The following NAV3 variants were observed in gnomAD, a reference collection of about 807,000 sequenced individuals.
The protein encoded by NAV3 is pore membrane and/or filament interacting like protein 1.
Under a neutral mutation model 244.7 loss-of-function variants are expected in NAV3, and 87 were observed. The observed-to-expected ratio is 0.36, with a 90% CI of 0.30 to 0.42. The LOEUF (loss-of-function observed/expected upper bound fraction) is 0.42, where lower values mean the gene tolerates loss of function less well. Among genes scored for constraint, NAV3 ranks in the 20% least tolerant of loss-of-function variants. The probability of loss-of-function intolerance (pLI) is 1.00; values close to 1 mark genes in which losing one functional copy is unlikely to be tolerated. For synonymous variants in NAV3, 1,126 were observed against 1,042.2 expected (o/e 1.08, Z -1.55); for missense variants, 2,663 against 2,893.3 (o/e 0.92, Z 1.83).
At chr12:77,663,874 C>T (rs1873592172) in intron 2 of NAV3, among the ~76,000 whole-genome samples, 2 of 152,104 alleles carry the variant, frequency 1.3e-5, no homozygotes. Flanking sequence ...GTCTGTATAT[C>T]TATGTATATA....
At chr12:77,889,832 G>A (rs1565893053) in intron 1 of NAV3, among the ~76,000 whole-genome samples, 1 of 152,150 alleles carries the variant, frequency 6.6e-6, no homozygotes, top group Non-Finnish European at 1.5e-5. Flanking sequence ...AAGAAAATAT[G>A]TCCAATGGTT....
At chr12:77,853,611 A>G (rs1382113438) in intron 1 of NAV3, among the ~76,000 whole-genome samples, 1 of 152,206 alleles carries the variant, frequency 6.6e-6, no homozygotes, top group Non-Finnish European at 1.5e-5. Flanking sequence ...TGATAGCAAC[A>G]TTTCAACATA....
At chr12:77,660,009 A>G (rs959169607) in intron 2 of NAV3, among the ~76,000 whole-genome samples, 1 of 151,976 alleles carries the variant, frequency 6.6e-6, no homozygotes, top group Non-Finnish European at 1.5e-5. Context: ...ACCTAATGCT[A>G]GATGACGAGT....
chr12:78,114,378 TAAAGACATACCCAAG>T lies in NAV3; in HGVS notation c.2637-2393_2637-2379del, dbSNP rs1955261991. ...TATCCATTTATTCTCATGCTGATAA[TAAAGACATACCCAAG>T]GCTGGGTAGTTTATAAAGAAAAAAG... On this transcript the variant is annotated intron_variant, in intron 12 of 39. Coordinates refer to ENST00000397909, the MANE Select transcript of NAV3 (RefSeq NM_001024383.2). Among the ~76,000 whole-genome samples, 3 of 152,246 alleles carry T rather than the reference TAAAGACATACCCAAG, an allele frequency of 2.0e-5. No homozygotes were observed. The South Asian group carries it at 6.2e-4, about 32-fold the overall frequency.
intron 1 of NAV3, among the ~76,000 whole-genome samples, chr12:77,836,823 C>A (rs1874728268): frequency 1.3e-5 from 2 of 152,094 alleles, no homozygotes; most frequent in South Asian, 4.1e-4. Flanking sequence ...CCGCTTGGGG[C>A]AATCCAAAGA....
chr12:78,123,673 T>C (rs1449879107), intron 16 of NAV3, among the ~76,000 whole-genome samples: 1 of 152,222 alleles, frequency 6.6e-6, no homozygotes, highest in Non-Finnish European at 1.5e-5. Flanking sequence ...ATATTGGTGT[T>C]TCCTATGGTG....
chr12:78,174,735 T>C (rs1055776278), intron 24 of NAV3, among the ~76,000 whole-genome samples: 4 of 152,100 alleles, frequency 2.6e-5, no homozygotes, highest in Non-Finnish European at 5.9e-5. Flanking sequence ...GATCTGCCTT[T>C]CATTGGCTGT....
At chr12:77,959,903 C>A (rs1231066529) in intron 3 of NAV3, among the ~76,000 whole-genome samples, 2 of 124,546 alleles carry the variant, frequency 1.6e-5, no homozygotes, top group African/African-American at 3.3e-5. Flanking sequence ...ATATTCCTCC[C>A]TGACCCGACA....
At chr12:77,997,895 A>C (rs1359144596) in intron 6 of NAV3, among the ~76,000 whole-genome samples, 3 of 152,234 alleles carry the variant, frequency 2.0e-5, no homozygotes, top group African/African-American at 7.2e-5. Context: ...AAGCAAACTT[A>C]CTATATAACT....
At chr12:78,120,216 A>G (rs1955613534) in intron 15 of NAV3, among the ~76,000 whole-genome samples, 1 of 152,182 alleles carries the variant, frequency 6.6e-6, no homozygotes, top group Non-Finnish European at 1.5e-5. Context: ...AAGAGACTTA[A>G]AAGCTGATGG....
intron 24 of NAV3, among the ~76,000 whole-genome samples, chr12:78,171,415 G>GA (rs761295211): frequency 7.9e-5 from 12 of 151,584 alleles, no homozygotes; most frequent in Non-Finnish European, 1.5e-4. Context: ...TACAGAAATT[G>GA]AAAAATTGGA....
intron 12 of NAV3, among the ~76,000 whole-genome samples, chr12:78,071,985 A>T (rs1241879388): frequency 6.6e-6 from 1 of 152,214 alleles, no homozygotes; most frequent in African/African-American, 2.4e-5. Flanking sequence ...CTTTGAAACC[A>T]AGGAGAACAA....
Position 78,153,532 on chromosome 12 carries a change from A to T in NAV3, c.4785+4613A>T, listed in dbSNP as rs551100617. 3.3e-5 allele frequency among the ~76,000 whole-genome samples: 5 copies of T among 152,226 alleles called. No homozygotes were observed. The South Asian group carries it at 1.0e-3, about 32-fold the overall frequency. ...ATGGTAATAGCAAACAATAAGCCAG[A>T]TAGCCTCTGGCCTCTCGCCCACACC... On this transcript the variant is annotated intron_variant, in intron 22 of 39. Coordinates refer to ENST00000397909, the MANE Select transcript of NAV3 (RefSeq NM_001024383.2).
intron 2 of NAV3, among the ~76,000 whole-genome samples, chr12:77,618,448 T>A (rs917536982): frequency 3.2e-4 from 49 of 152,308 alleles, no homozygotes; most frequent in Non-Finnish European, 5.0e-4. Flanking sequence ...ATGGCATACA[T>A]TTTTTGTTCA....
At chr12:77,995,820 C>T (rs1872266872) in intron 6 of NAV3, among the ~76,000 whole-genome samples, 1 of 152,062 alleles carries the variant, frequency 6.6e-6, no homozygotes, top group South Asian at 2.1e-4. Context: ...AAGGAACAGT[C>T]ACCTGCCATG....
At chr12:77,919,766 AT>A (rs1200942612) in intron 1 of NAV3, among the ~76,000 whole-genome samples, 2 of 151,960 alleles carry the variant, frequency 1.3e-5, no homozygotes, top group African/African-American at 4.8e-5. Context: ...CTCAATGGCA[AT>A]TATACTCCCT....
At chr12:78,096,796 C>A (rs936525054) in intron 12 of NAV3, among the ~76,000 whole-genome samples, 6 of 152,138 alleles carry the variant, frequency 3.9e-5, no homozygotes, top group African/African-American at 1.4e-4. Flanking sequence ...ATATGAAGTT[C>A]TTTCTTTGTT....
chr12:77,901,483 G>A (rs1011503085), intron 1 of NAV3, among the ~76,000 whole-genome samples: 1 of 152,266 alleles, frequency 6.6e-6, no homozygotes, highest in East Asian at 1.9e-4. Flanking sequence ...GCTGAGGCGG[G>A]TGGATCACCT....
chr12:77,896,382 T>A (rs1444776365), intron 1 of NAV3, among the ~76,000 whole-genome samples: 2 of 152,230 alleles, frequency 1.3e-5, no homozygotes, highest in Admixed American at 1.3e-4. Flanking sequence ...ACATTAGAGA[T>A]TCAAATTCAC....
Sources: allele counts gnomAD v4.1 joint callset (sites outside exome capture counted in the v4.1 genomes callset), GRCh38; gene constraint gnomAD v4.1.1; transcripts MANE v1.5; gene names NCBI Gene and HGNC (gene_info 2026-07-23, HGNC 2026-07-21).